Variants in C2CD4D observed in about 807,000 individuals in gnomAD.
C2CD4D encodes C2 calcium-dependent domain-containing protein 4D.
Under a neutral mutation model 0.2 loss-of-function variants are expected in C2CD4D, and 1 was observed. The observed-to-expected ratio is 4.00, with a 90% CI of 1.42 to 18.99. The LOEUF is 18.99. Ranked by LOEUF, C2CD4D falls within the 30% of genes most tolerant of loss-of-function variation. C2CD4D has a pLI of 0.11. For missense variants in C2CD4D, 552 were observed against 551.2 expected (o/e 1.00, Z -0.01); for synonymous variants, 269 against 279.8 (o/e 0.96, Z 0.39).
chr1:151,840,382 G>A (rs1652753737), exon 1 of C2CD4D: 1 of 152,354 alleles, frequency 6.6e-6, no homozygotes, highest in African/African-American at 2.4e-5. Context: ...GCCATCAGTG[G>A]ACAGTGGCCA....
At chr1:151,838,480 G>T in exon 2 of C2CD4D, 1 of 1,397,044 alleles carries the variant, frequency 7.2e-7, no homozygotes, top group East Asian at 3.1e-5. Flanking sequence ...CTTTTTCTGG[G>T]GACAGAGAGT....
At chr1:151,839,305 C>G (rs900182875) in intron 1 of C2CD4D, 85 bp from the exon 2 acceptor site, 1 of 419,892 alleles carries the variant, frequency 2.4e-6, no homozygotes, top group Middle Eastern at 6.3e-4. Context: ...GATTCTCCCA[C>G]TGGTACTAAA....
chr1:151,838,494 G>A, exon 2 of C2CD4D: 2 of 1,384,684 alleles, frequency 1.4e-6, no homozygotes, highest in Non-Finnish European at 9.3e-7. Flanking sequence ...AGAGAGTGAG[G>A]CCTGGACACC....
exon 2 of C2CD4D, chr1:151,838,591 G>T (rs1053073013): frequency 1.5e-6 from 2 of 1,316,104 alleles, no homozygotes; most frequent in African/African-American, 1.5e-5. Context: ...CCCGGCAGAG[G>T]CGCAGGTCCG....
chr1:151,838,540 G>A, exon 2 of C2CD4D: 1 of 1,332,534 alleles, frequency 7.5e-7, no homozygotes. Context: ...GGGAGCCGAA[G>A]GGCGACGAGT....
chr1:151,838,043 A>G (rs760011034), exon 2 of C2CD4D: 6 of 1,551,356 alleles, frequency 3.9e-6, no homozygotes, highest in Non-Finnish European at 4.4e-6. Flanking sequence ...ATCCCTGCGA[A>G]GTCCCGCGCC....
chr1:151,838,750 G>A (rs6673556), exon 2 of C2CD4D: 1,319,073 of 1,334,630 alleles, frequency 0.99, 653,343 homozygotes, highest in East Asian at 1. Context: ...GAGGCAGCGA[G>A]CAGGTCGCGG....
chr1:151,838,905 G>T, exon 2 of C2CD4D: 2 of 1,547,780 alleles, frequency 1.3e-6, no homozygotes, highest in Non-Finnish European at 8.7e-7. Flanking sequence ...GGGGCGCGAC[G>T]CTTGGAGAAC....
chr1:151,838,353 G>T, exon 2 of C2CD4D: 1 of 1,428,506 alleles, frequency 7.0e-7, no homozygotes, highest in Non-Finnish European at 9.2e-7. Flanking sequence ...GGCCCCAGGC[G>T]CAGCACGCTC....
chr1:151,839,046 C>T, exon 2 of C2CD4D: 2 of 1,531,430 alleles, frequency 1.3e-6, no homozygotes, highest in Non-Finnish European at 1.8e-6. Flanking sequence ...GTCCAAATCC[C>T]GTCTCAGATG....
At chr1:151,838,761 G>A (rs931416427) in exon 2 of C2CD4D, 1 of 1,342,594 alleles carries the variant, frequency 7.4e-7, no homozygotes, top group African/African-American at 1.5e-5. Context: ...CAGGTCGCGG[G>A]GAGGCCGCGC....
At chr1:151,837,863 G>T in exon 2 of C2CD4D, 2 of 1,437,430 alleles carry the variant, frequency 1.4e-6, no homozygotes, top group South Asian at 1.5e-5. Context: ...TACAAGCCGG[G>T]CAGGGTGGAA....
intron 1 of C2CD4D, among the ~76,000 whole-genome samples, chr1:151,839,788 C>T (rs998715402): frequency 6.6e-6 from 1 of 152,224 alleles, no homozygotes; most frequent in Non-Finnish European, 1.5e-5. Context: ...CGTCCAGCTC[C>T]CGCGCCTCCC....
intron 1 of C2CD4D, 79 bp from the exon 2 acceptor site, chr1:151,839,299 C>A (rs1269106738): frequency 6.9e-6 from 3 of 431,696 alleles, no homozygotes; most frequent in Admixed American, 8.3e-5. Flanking sequence ...TACACAGATT[C>A]TCCCACTGGT....
At chr1:151,838,062 G>A in exon 2 of C2CD4D, 1 of 1,551,486 alleles carries the variant, frequency 6.4e-7, no homozygotes, top group South Asian at 1.2e-5. Context: ...CCCCTGTCTA[G>A]CACCTTGGCT....
At chr1:151,838,997 G>T in exon 2 of C2CD4D, 1 of 1,549,366 alleles carries the variant, frequency 6.5e-7, no homozygotes, top group Non-Finnish European at 8.7e-7. Flanking sequence ...CATGCGGTGG[G>T]TGGGGTAATG....
chr1:151,839,815 G>A (rs1253484316), intron 1 of C2CD4D, among the ~76,000 whole-genome samples: 3 of 152,120 alleles, frequency 2.0e-5, no homozygotes, highest in African/African-American at 7.2e-5. Flanking sequence ...ACCGCATCCC[G>A]CGTCTGCAGG....
exon 2 of C2CD4D, chr1:151,837,948 G>A (rs1454389154): frequency 6.5e-7 from 1 of 1,539,978 alleles, no homozygotes; most frequent in East Asian, 2.5e-5. Flanking sequence ...AGATGGGTGG[G>A]CGCCAGGGAT....
exon 2 of C2CD4D, chr1:151,838,119 A>C: frequency 6.4e-7 from 1 of 1,551,440 alleles, no homozygotes; most frequent in Non-Finnish European, 8.7e-7. Flanking sequence ...CCGTCGAAAA[A>C]GAAATCCTCG....
Sources: gnomAD v4.1 joint callset for allele counts (sites outside exome capture counted in the v4.1 genomes callset) on GRCh38, gnomAD v4.1.1 for gene constraint, MANE v1.5 for transcripts, NCBI Gene and HGNC (gene_info 2026-07-23, HGNC 2026-07-21) for gene names.